The following NRG1 variants were observed in gnomAD, a reference collection of about 807,000 sequenced individuals.
The protein encoded by NRG1 is pro-neuregulin-1, membrane-bound isoform.
Under a neutral mutation model 63.8 loss-of-function variants are expected in NRG1, and 18 were observed. The ratio of observed to expected loss-of-function variants is 0.28; its 90% confidence interval spans 0.19 to 0.42. The LOEUF is 0.42. Ranked by LOEUF, NRG1 falls within the 10% of genes least tolerant of loss-of-function variation. NRG1 has a pLI of 1.00. For missense variants in NRG1, 762 were observed against 814.7 expected (o/e 0.94, Z 0.79); for synonymous variants, 302 against 301.3 (o/e 1.00, Z -0.02).
chr8:32,549,947 T>C (rs535695090), intron 1 of NRG1, among the ~76,000 whole-genome samples: 2 of 152,308 alleles, frequency 1.3e-5, no homozygotes, highest in East Asian at 3.9e-4. Flanking sequence ...GAAGCACTTC[T>C]GCAGAATTAA....
chr8:32,205,544 C>T (rs1394399497), intron 1 of NRG1, among the ~76,000 whole-genome samples: 1 of 152,104 alleles, frequency 6.6e-6, no homozygotes, highest in African/African-American at 2.4e-5. Context: ...AAAGTAAGCA[C>T]GACCTCTCTG....
At chr8:32,716,744 A>G (rs1819318314) in intron 5 of NRG1, among the ~76,000 whole-genome samples, 1 of 152,084 alleles carries the variant, frequency 6.6e-6, no homozygotes, top group Admixed American at 6.6e-5. Flanking sequence ...AATATAACCA[A>G]GATGATTTCC....
chr8:31,765,851 GA>G (rs1281115596), intron 1 of NRG1, among the ~76,000 whole-genome samples: 1 of 152,048 alleles, frequency 6.6e-6, no homozygotes, highest in Non-Finnish European at 1.5e-5. Flanking sequence ...TATTCTCTTT[GA>G]GTCTGTTTCT....
intron 1 of NRG1, among the ~76,000 whole-genome samples, chr8:32,575,198 A>G (rs1839387268): frequency 6.6e-6 from 1 of 152,182 alleles, no homozygotes; most frequent in Non-Finnish European, 1.5e-5. Flanking sequence ...CCTCTGGCAT[A>G]GACATTCATG....
chr8:31,747,451 G>A (rs962700844), intron 1 of NRG1, among the ~76,000 whole-genome samples: 12 of 151,932 alleles, frequency 7.9e-5, no homozygotes, highest in African/African-American at 2.7e-4. Context: ...TTCGGAAATG[G>A]AAATTCTTTT....
At chr8:32,255,791 C>T (rs1469673600) in intron 1 of NRG1, among the ~76,000 whole-genome samples, 3 of 152,144 alleles carry the variant, frequency 2.0e-5, no homozygotes, top group Non-Finnish European at 4.4e-5. Context: ...TGGATAATAT[C>T]CTGAAGAGTG....
chr8:31,824,214 C>G (rs1824309447), intron 1 of NRG1, among the ~76,000 whole-genome samples: 1 of 140,570 alleles, frequency 7.1e-6, no homozygotes. Flanking sequence ...GTGATGTTCC[C>G]CTTCCTGTGT....
At chr8:32,140,755 T>C (rs11992707) in intron 1 of NRG1, among the ~76,000 whole-genome samples, 1 of 152,132 alleles carries the variant, frequency 6.6e-6, no homozygotes, top group African/African-American at 2.4e-5. Context: ...GAGCCACCCA[T>C]GTACCTGGTT....
chr8:31,703,828 C>T (rs1225249248), intron 1 of NRG1, among the ~76,000 whole-genome samples: 1 of 152,204 alleles, frequency 6.6e-6, no homozygotes, highest in African/African-American at 2.4e-5. Context: ...TAGCTTATTG[C>T]CACAGAGGAA....
rs553664181 is a variant in NRG1 at position 32,122,717 on chromosome 8, G to A, written c.38-473111G>A. 2.4e-3 allele frequency among the ~76,000 whole-genome samples: 366 copies of A among 151,840 alleles called. 1 individual carries two copies. The highest frequency in any genetic ancestry group is 8.7e-3 in the African/African-American group (359 of 41,436). ...TATACATGTGCCATGCTGGTGTGCT[G>A]CACCCATTAACTCGTCATTTAGCAT... On this transcript the variant is annotated intron_variant, in intron 1 of 10. Coordinates refer to the NRG1 transcript ENST00000519301.
chr8:32,088,682 T>A, intron 1 of NRG1, among the ~76,000 whole-genome samples: 1 of 152,142 alleles, frequency 6.6e-6, no homozygotes, highest in Admixed American at 6.5e-5. Flanking sequence ...CATGCCCAGC[T>A]AATTTTTTTG....
chr8:31,855,977 G>T (rs1159634750), intron 1 of NRG1, among the ~76,000 whole-genome samples: 2 of 151,714 alleles, frequency 1.3e-5, no homozygotes, highest in African/African-American at 4.9e-5. Flanking sequence ...TCTGCCGAGA[G>T]ATCTGCTGTT....
In NRG1 at chr8:32,470,942, C is replaced by T. The variant is rs78896726; in HGVS notation, c.38-124886C>T. Among the ~76,000 whole-genome samples, 594 of 152,170 alleles carry T rather than the reference C, an allele frequency of 3.9e-3. 6 individuals carry two copies. Among genetic ancestry groups the T allele is most frequent in the African/African-American group, 0.014 (568 of 41,532 alleles). On this transcript the variant is annotated intron_variant, in intron 1 of 10. Transcript: ENST00000519301. ...CTTCCTGAGCAGCTGGGACTATAGG[C>T]GCATGCCATCATGCGTGGCTAATTT...
At chr8:32,641,220 T>C (rs1022842866) in intron 5 of NRG1, among the ~76,000 whole-genome samples, 3 of 151,576 alleles carry the variant, frequency 2.0e-5, no homozygotes, top group Admixed American at 6.6e-5. Flanking sequence ...TAGTTAATAA[T>C]TGCCTGAGAT....
chr8:32,608,045 A>G (rs28696079), intron 3 of NRG1, among the ~76,000 whole-genome samples: 7 of 151,534 alleles, frequency 4.6e-5, no homozygotes, highest in Non-Finnish European at 8.8e-5. Context: ...ATTCAGGATC[A>G]CAGAGATATT....
intron 1 of NRG1, among the ~76,000 whole-genome samples, chr8:31,967,998 G>A (rs1331117112): frequency 6.6e-6 from 1 of 152,164 alleles, no homozygotes; most frequent in Non-Finnish European, 1.5e-5. Context: ...TTCAAGTGCT[G>A]TGGAAAAGAC....
At chr8:32,641,916 G>A (rs953937530) in intron 5 of NRG1, among the ~76,000 whole-genome samples, 2 of 152,146 alleles carry the variant, frequency 1.3e-5, no homozygotes, top group African/African-American at 4.8e-5. Context: ...CACAGCACAT[G>A]GATTTGGTTT....
At chr8:32,343,619 A>G (rs1565031) in intron 1 of NRG1, among the ~76,000 whole-genome samples, 127,310 of 152,110 alleles carry the variant, frequency 0.84, 53,519 homozygotes, top group Middle Eastern at 0.92. Context: ...TCGAAGTAAA[A>G]GGGGAGGTGG....
At chr8:32,736,590 G>T (rs1314173661) in intron 6 of NRG1, among the ~76,000 whole-genome samples, 1 of 152,160 alleles carries the variant, frequency 6.6e-6, no homozygotes, top group Non-Finnish European at 1.5e-5. Flanking sequence ...ACCACAGCTA[G>T]TATTGAGGAA....
Sources: allele counts gnomAD v4.1 joint callset (sites outside exome capture counted in the v4.1 genomes callset), GRCh38; gene constraint gnomAD v4.1.1; transcripts MANE v1.5; gene names NCBI Gene and HGNC (gene_info 2026-07-23, HGNC 2026-07-21).